The following NXPE2 variants were observed in gnomAD, a reference collection of about 807,000 sequenced individuals.
The protein encoded by NXPE2 is neurexophilin and PC-esterase domain family member 2, also known as NXPE family member 2.
In NXPE2, 34 loss-of-function variants were observed where a neutral mutation model predicts 34.4. That is an observed-to-expected ratio of 0.99 (90% confidence interval 0.75 to 1.31). NXPE2 has a LOEUF of 1.31. Among genes scored for constraint, NXPE2 ranks in the 40% most tolerant of loss-of-function variants. The pLI, the probability that NXPE2 is intolerant of heterozygous loss-of-function variation, is 0.00. For synonymous variants in NXPE2, 235 were observed against 231.3 expected (o/e 1.02, Z -0.15); for missense variants, 649 against 672.5 (o/e 0.97, Z 0.39).
At chr11:114,709,899 C>A (rs1265826289), downstream of NXPE2, among the ~76,000 whole-genome samples, 2 of 149,026 alleles carry the variant, frequency 1.3e-5, no homozygotes, top group East Asian at 3.9e-4. Context: ...GAGACTCTGT[C>A]TCAAAAAACA....
At chr11:114,748,555 T>A in the NXPE2 span, among the ~76,000 whole-genome samples, 1 of 152,238 alleles carries the variant, frequency 6.6e-6, no homozygotes, top group African/African-American at 2.4e-5. Flanking sequence ...TTTTGAAGAC[T>A]ACAGACCAGT....
At chr11:114,607,486 C>G in the NXPE2 span, among the ~76,000 whole-genome samples, 1 of 151,760 alleles carries the variant, frequency 6.6e-6, no homozygotes, top group Non-Finnish European at 1.5e-5. Context: ...TGGGTGAACA[C>G]CATTACCGGC....
At chr11:114,583,984 C>A in the NXPE2 span, 2 of 373,178 alleles carry the variant, frequency 5.4e-6, no homozygotes, top group South Asian at 4.8e-5. Flanking sequence ...TCAAACTGGT[C>A]ATGTCCAAAG....
chr11:114,678,290 C>A (rs1950881226), upstream of NXPE2: 4 of 291,636 alleles, frequency 1.4e-5, no homozygotes, highest in Non-Finnish European at 2.6e-5. Flanking sequence ...CACGTAAAGC[C>A]TTAACCAAAG....
chr11:114,504,916 A>G, the NXPE2 span, among the ~76,000 whole-genome samples: 1 of 152,186 alleles, frequency 6.6e-6, no homozygotes, highest in Non-Finnish European at 1.5e-5. Flanking sequence ...AGAATTTAGT[A>G]TATGGACAGG....
the NXPE2 span, among the ~76,000 whole-genome samples, chr11:114,603,288 T>C: frequency 6.6e-6 from 1 of 151,284 alleles, no homozygotes; most frequent in Non-Finnish European, 1.5e-5. Flanking sequence ...AAGTATTGCC[T>C]CGTCTCCTAG....
chr11:114,495,147 G>A, the NXPE2 span, among the ~76,000 whole-genome samples: 2 of 152,118 alleles, frequency 1.3e-5, no homozygotes, highest in East Asian at 3.9e-4. Context: ...CCAGTGGGAC[G>A]GTGCTGGATC....
At chr11:114,611,933 G>C in the NXPE2 span, among the ~76,000 whole-genome samples, 2 of 151,934 alleles carry the variant, frequency 1.3e-5, no homozygotes, top group African/African-American at 4.8e-5. Flanking sequence ...TGCCCGGTGG[G>C]TAACCACTGT....
chr11:114,786,526 A>G, the NXPE2 span, among the ~76,000 whole-genome samples: 1 of 152,318 alleles, frequency 6.6e-6, no homozygotes, highest in East Asian at 1.9e-4. Context: ...CATATAAGGC[A>G]CTGTGTCAGG....
At chr11:114,636,679 T>G in the NXPE2 span, among the ~76,000 whole-genome samples, 160 of 152,196 alleles carry the variant, frequency 1.1e-3, no homozygotes, top group African/African-American at 3.7e-3. Flanking sequence ...TTCTCATTGA[T>G]TTCAAAGAAC....
chr11:114,469,854 C>T, the NXPE2 span, among the ~76,000 whole-genome samples: 7 of 152,160 alleles, frequency 4.6e-5, no homozygotes, highest in Non-Finnish European at 8.8e-5. Flanking sequence ...ACACTTCATG[C>T]CCTTTTCCAA....
the NXPE2 span, among the ~76,000 whole-genome samples, chr11:114,805,374 C>T: frequency 6.8e-3 from 1,032 of 152,122 alleles, 8 homozygotes; most frequent in African/African-American, 0.023. Context: ...ATGCACGAGC[C>T]GAAGCAGGGC....
At chr11:114,627,193 G>A in the NXPE2 span, among the ~76,000 whole-genome samples, 39 of 152,014 alleles carry the variant, frequency 2.6e-4, no homozygotes, top group African/African-American at 8.9e-4. Context: ...TCCTCGAGAA[G>A]AGCAACCCCA....
chr11:114,612,108 C>T, the NXPE2 span, among the ~76,000 whole-genome samples: 1 of 151,884 alleles, frequency 6.6e-6, no homozygotes, highest in South Asian at 2.1e-4. Context: ...CGGGTAACCA[C>T]TGTTACCTGG....
At chr11:114,636,981 A>T in the NXPE2 span, among the ~76,000 whole-genome samples, 1 of 152,112 alleles carries the variant, frequency 6.6e-6, no homozygotes, top group Non-Finnish European at 1.5e-5. Flanking sequence ...TATTAGGTCC[A>T]CTTGGTGCAG....
chr11:114,641,594 A>G, the NXPE2 span, among the ~76,000 whole-genome samples: 1 of 152,042 alleles, frequency 6.6e-6, no homozygotes, highest in East Asian at 1.9e-4. Flanking sequence ...GTCCAAGTCA[A>G]GAATAGGAAG....
the NXPE2 span, among the ~76,000 whole-genome samples, chr11:114,559,161 A>C: frequency 6.6e-6 from 1 of 152,200 alleles, no homozygotes; most frequent in East Asian, 1.9e-4. Flanking sequence ...CAAAGACAAA[A>C]ATTAAAAAAG....
chr11:114,602,290 T>C, the NXPE2 span, among the ~76,000 whole-genome samples: 1 of 119,492 alleles, frequency 8.4e-6, no homozygotes, highest in Non-Finnish European at 1.6e-5. Context: ...ATATATGTTA[T>C]CTATAACATA....
At chr11:114,805,762 C>G in the NXPE2 span, among the ~76,000 whole-genome samples, 1 of 152,198 alleles carries the variant, frequency 6.6e-6, no homozygotes, top group Admixed American at 6.5e-5. Context: ...GGCTCCACCT[C>G]TGGGGGCAGG....
Sources: allele counts gnomAD v4.1 joint callset (sites outside exome capture counted in the v4.1 genomes callset), GRCh38; gene constraint gnomAD v4.1.1; transcripts MANE v1.5; gene names NCBI Gene and HGNC (gene_info 2026-07-23, HGNC 2026-07-21).